ERCC8: variants seen among roughly 807,000 people sequenced by gnomAD.
ERCC8 encodes the protein ERCC excision repair 8, CSA ubiquitin ligase complex subunit.
A neutral mutation model predicts 54.9 loss-of-function variants in ERCC8; 52 were observed. The observed-to-expected ratio is 0.95, with a 90% confidence interval of 0.76 to 1.19. ERCC8 has a LOEUF of 1.19. Among genes scored for constraint, ERCC8 ranks in the 50% most tolerant of loss-of-function variants. The pLI, the probability that ERCC8 is intolerant of heterozygous loss-of-function variation, is 0.00. For missense variants in ERCC8, 514 were observed against 466.1 expected, an observed-to-expected ratio of 1.10 and a Z score of -0.95; for synonymous variants, 146 against 157.2, an observed-to-expected ratio of 0.93 and a Z score of 0.53.
chr5:60,915,203 C>T (rs1238875752), intron 4 of ERCC8: 1 of 151,974 alleles, frequency 6.6e-6, no homozygotes, highest in East Asian at 1.9e-4. Context: ...GGCACCTAGG[C>T]CTGGAGATGT....
chr5:60,923,837 TCA>T (rs1749670068), intron 2 of ERCC8, among the ~76,000 whole-genome samples: 1 of 152,112 alleles, frequency 6.6e-6, no homozygotes, highest in Non-Finnish European at 1.5e-5. Context: ...CAAAAATTCT[TCA>T]CAGAGATCCA....
chr5:60,883,655 T>C (rs1748311472), intron 11 of ERCC8, among the ~76,000 whole-genome samples: 1 of 152,234 alleles, frequency 6.6e-6, no homozygotes, highest in African/African-American at 2.4e-5. Flanking sequence ...CAAGTGATTA[T>C]ACATTGACAC....
intron 11 of ERCC8, among the ~76,000 whole-genome samples, chr5:60,881,225 T>C (rs529340085): frequency 3.3e-5 from 5 of 152,142 alleles, no homozygotes; most frequent in Non-Finnish European, 7.4e-5. Context: ...TCTGGGAGTT[T>C]TGTCTCAGAG....
chr5:60,891,251 T>C (rs1419882838), intron 9 of ERCC8, among the ~76,000 whole-genome samples, 165 bp from the exon 10 acceptor site: 2 of 152,070 alleles, frequency 1.3e-5, no homozygotes, highest in East Asian at 3.9e-4. Context: ...TGAATGTACA[T>C]TTAACAAAAG....
rs769008937 is a variant in ERCC8 at position 60,904,764 on chromosome 5, CA to C, written c.481+27del. The C allele has an allele frequency of 3.4e-6, 5 of 1,455,956 alleles. No homozygotes were observed. The African/African-American group carries it at 7.1e-5, about 21-fold the overall frequency. 90.2% of individuals were successfully genotyped at this position (1,455,956 alleles called of 1,614,324 possible). On this transcript the variant is annotated intron_variant, in intron 5 of 11. Coordinates refer to ENST00000676185, the MANE Select transcript of ERCC8 (RefSeq NM_000082.4). ...AAAAGGGAGAAAGTTTTCAGTATGT[CA>C]AAAGACAAAAGAATACACTTACAAA...
chr5:60,923,040 G>A (rs1749645282), intron 2 of ERCC8, among the ~76,000 whole-genome samples: 1 of 152,100 alleles, frequency 6.6e-6, no homozygotes, highest in African/African-American at 2.4e-5. Flanking sequence ...ATTTGTTGCT[G>A]GAGCAGTGTG....
intron 4 of ERCC8, among the ~76,000 whole-genome samples, chr5:60,908,525 T>C (rs142306167): frequency 5.0e-4 from 75 of 150,570 alleles, no homozygotes; most frequent in Non-Finnish European, 8.7e-4. Context: ...ATCCACCCAA[T>C]TGTCAAGCCA....
At chr5:60,898,874 A>G (rs1748794042) in intron 8 of ERCC8, among the ~76,000 whole-genome samples, 1 of 151,396 alleles carries the variant, frequency 6.6e-6, no homozygotes, top group African/African-American at 2.4e-5. Context: ...TTGAGAAAGC[A>G]TAATTCTAAA....
At chr5:60,891,904 A>G (rs550447343) in intron 9 of ERCC8, 1 of 480,860 alleles carries the variant, frequency 2.1e-6, no homozygotes, top group African/African-American at 2.0e-5. Flanking sequence ...TGGTGCTTGG[A>G]TCGGAAGGGA....
At chr5:60,886,772 T>C (rs1748406455) in intron 11 of ERCC8, among the ~76,000 whole-genome samples, 1 of 147,216 alleles carries the variant, frequency 6.8e-6, no homozygotes, top group South Asian at 2.2e-4. Context: ...AGAAAAAAAG[T>C]GATATATAAT....
intron 1 of ERCC8, among the ~76,000 whole-genome samples, chr5:60,944,140 T>C (rs893717125): frequency 3.3e-5 from 5 of 152,162 alleles, no homozygotes; most frequent in Admixed American, 3.3e-4. Context: ...TGGGAATCAT[T>C]ATTCATTCTT....
At chr5:60,936,484 T>C (rs1309327792) in intron 1 of ERCC8, among the ~76,000 whole-genome samples, 1 of 152,232 alleles carries the variant, frequency 6.6e-6, no homozygotes, top group Non-Finnish European at 1.5e-5. Context: ...GTTGCATTTA[T>C]CTTTTGTGTT....
chr5:60,900,814 T>C (rs1032353618), intron 7 of ERCC8: 4 of 152,088 alleles, frequency 2.6e-5, no homozygotes, highest in Non-Finnish European at 5.9e-5. Context: ...ATTCTTATAA[T>C]TGAAAGCTTC....
chr5:60,905,676 G>A (rs1361045043), intron 4 of ERCC8, among the ~76,000 whole-genome samples: 3 of 152,202 alleles, frequency 2.0e-5, no homozygotes, highest in African/African-American at 4.8e-5. Context: ...TGAACATATT[G>A]TAACTGCTCA....
intron 11 of ERCC8, among the ~76,000 whole-genome samples, chr5:60,886,178 C>A (rs1405274060): frequency 2.0e-5 from 3 of 151,532 alleles, no homozygotes; most frequent in Non-Finnish European, 4.4e-5. Flanking sequence ...GGAGAGAAAC[C>A]ACCTTTAAAC....
chr5:60,934,926 C>T lies in ERCC8; in HGVS notation c.78-5967G>A, dbSNP rs374036813. 1.5e-3 allele frequency among the ~76,000 whole-genome samples: 236 copies of T among 152,258 alleles called. 1 individual carries two copies. Among genetic ancestry groups the T allele is most frequent in the African/African-American group, 5.5e-3 (229 of 41,558 alleles). On this transcript the variant is annotated intron_variant, in intron 1 of 11. Transcript: ENST00000676185. ...CCACTCTGTTCCGTTGGTCTATATG[C>T]CTATTTTTATTACCACTAGCATGCT...
intron 2 of ERCC8, among the ~76,000 whole-genome samples, chr5:60,928,101 T>C (rs1039447971): frequency 6.6e-6 from 1 of 152,222 alleles, no homozygotes; most frequent in Non-Finnish European, 1.5e-5. Flanking sequence ...TAATGCTATA[T>C]GTGGCCTAAT....
chr5:60,908,395 A>G (rs1306397693), intron 4 of ERCC8, among the ~76,000 whole-genome samples: 3 of 151,870 alleles, frequency 2.0e-5, no homozygotes, highest in East Asian at 1.9e-4. Context: ...GTATGTATAG[A>G]TCGATTCCTG....
At chr5:60,918,425 T>C (rs753422244) in intron 3 of ERCC8, 37 bp from the exon 4 acceptor site, 9 of 1,587,678 alleles carry the variant, frequency 5.7e-6, no homozygotes, top group African/African-American at 1.3e-5. Context: ...TTAACTGACT[T>C]ATGTGAGTTT....
Sources: allele counts gnomAD v4.1 joint callset (sites outside exome capture counted in the v4.1 genomes callset), GRCh38; gene constraint gnomAD v4.1.1; transcripts MANE v1.5; gene names NCBI Gene and HGNC (gene_info 2026-07-23, HGNC 2026-07-21).